NSD3: variants seen among roughly 807,000 people sequenced by gnomAD.
NSD3 encodes histone-lysine N-methyltransferase NSD3.
In NSD3, 24 loss-of-function variants were observed where a neutral mutation model predicts 160.8. The ratio of observed to expected loss-of-function variants is 0.15; its 90% CI spans 0.11 to 0.21. NSD3 has a LOEUF of 0.21. Among genes scored for constraint, NSD3 ranks in the 10% least tolerant of loss-of-function variants. The probability of loss-of-function intolerance (pLI) is 1.00; values close to 1 mark genes in which losing one functional copy is unlikely to be tolerated. For synonymous variants in NSD3, 520 were observed against 600.0 expected (o/e 0.87, Z 1.95); for missense variants, 1,157 against 1,735.9 (o/e 0.67, Z 5.93).
rs188569609 is a variant in NSD3, at chr8:38,346,450, G to C, written c.675+1047C>G. On this transcript the variant is annotated intron_variant, in intron 2 of 23. Transcript: ENST00000317025. Reference sequence around the variant, plus strand: ...TATGTATATGTGTGTGTATTTTCTGGCTCCCCTCACTAGAATATAAGCATC... The same window carrying C: ...TATGTATATGTGTGTGTATTTTCTGCCTCCCCTCACTAGAATATAAGCATC... 8.1e-5 allele frequency among the ~76,000 whole-genome samples: 12 copies of C among 148,896 alleles called. No homozygotes were observed. The Admixed American group carries it at 8.1e-4, about 10-fold the overall frequency.
chr8:38,342,769 C>T (rs1411335112), intron 2 of NSD3, among the ~76,000 whole-genome samples: 1 of 151,932 alleles, frequency 6.6e-6, no homozygotes, highest in South Asian at 2.1e-4. Context: ...CCATGTTGGC[C>T]AGGAGGTCTC....
At chr8:38,312,076 C>A (rs1056946914) in intron 12 of NSD3, among the ~76,000 whole-genome samples, 32 of 152,134 alleles carry the variant, frequency 2.1e-4, no homozygotes, top group African/African-American at 6.8e-4. Context: ...AGTCTTCACA[C>A]CCTTATCAAA....
chr8:38,280,948 G>C (rs1447651981), intron 20 of NSD3, among the ~76,000 whole-genome samples: 1 of 151,856 alleles, frequency 6.6e-6, no homozygotes, highest in Non-Finnish European at 1.5e-5. Context: ...TAGAGACAGG[G>C]TCTTCCTATG....
At chr8:38,311,037 G>T (rs1809523258) in intron 12 of NSD3, among the ~76,000 whole-genome samples, 2 of 148,266 alleles carry the variant, frequency 1.3e-5, no homozygotes, top group African/African-American at 2.5e-5. Flanking sequence ...GGTATCAAGT[G>T]GCATCTCATT....
chr8:38,310,414 T>C (rs1055944284), intron 12 of NSD3, among the ~76,000 whole-genome samples: 2 of 152,242 alleles, frequency 1.3e-5, no homozygotes, highest in Non-Finnish European at 1.5e-5. Flanking sequence ...ATTTTGTTTA[T>C]TCATCCATCA....
intron 3 of NSD3, 118 bp downstream of exon 3, chr8:38,338,418 C>T: frequency 1.3e-6 from 1 of 799,822 alleles, no homozygotes; most frequent in Non-Finnish European, 2.1e-6. Context: ...AGACTTATTT[C>T]AATATAATTT....
intron 1 of NSD3, among the ~76,000 whole-genome samples, chr8:38,377,232 T>C (rs144269447): frequency 0.045 from 6,467 of 145,110 alleles, 233 homozygotes; most frequent in Admixed American, 0.11. Context: ...TTTGTATTTT[T>C]AGTAGAGACG....
intron 16 of NSD3, among the ~76,000 whole-genome samples, chr8:38,291,446 T>G (rs185276232): frequency 6.6e-6 from 1 of 152,338 alleles, no homozygotes; most frequent in Non-Finnish European, 1.5e-5. Context: ...TTAAATTTTT[T>G]GAATCTCTTA....
At chr8:38,373,876 T>A (rs989660226) in intron 1 of NSD3, among the ~76,000 whole-genome samples, 1 of 147,970 alleles carries the variant, frequency 6.8e-6, no homozygotes, top group Admixed American at 6.8e-5. Flanking sequence ...GGTGGGAGGA[T>A]TGGTTGAGCC....
At position 38,342,575 on chromosome 8, in the gene NSD3, C is replaced by CT. The variant is rs1208709456; in HGVS notation, c.676-3969dup. Among the ~76,000 whole-genome samples, 1,271 of 146,176 alleles carry CT rather than the reference C, an allele frequency of 8.7e-3. 17 individuals are homozygous for CT. Among genetic ancestry groups the CT allele is most frequent in the African/African-American group, 0.03 (1,206 of 40,128 alleles). ...TTCCTTTACAAATTTTAGCCTAGTA[C>CT]TTTTTTTTTTTGAGACAGAGTCTTG... On this transcript the variant is annotated intron_variant, in intron 2 of 23. Coordinates refer to ENST00000317025, the MANE Select transcript of NSD3 (RefSeq NM_023034.2).
intron 1 of NSD3, 24 bp downstream of exon 1, chr8:38,381,773 CAT>C (rs1445650362): frequency 4.3e-4 from 63 of 145,484 alleles, no homozygotes; most frequent in African/African-American, 1.0e-3. Flanking sequence ...CACACACACA[CAT>C]ACACACACGC....
chr8:38,344,652 C>G lies in NSD3; in HGVS notation c.675+2845G>C, dbSNP rs539099603. On this transcript the variant is annotated intron_variant, in intron 2 of 23. Transcript: ENST00000317025. ...AACCTATGAGTGAGCTTTTAAGGAA[C>G]AACAACAACAAAGTAAAGTAAAAGA... Among the ~76,000 whole-genome samples the G allele has an allele frequency of 1.2e-3, 188 of 152,154 alleles. 2 individuals carry two copies. The highest frequency in any genetic ancestry group is 9.8e-4 in the Admixed American group (15 of 15,266).
At chr8:38,327,326 G>A (rs936796584) in intron 6 of NSD3, among the ~76,000 whole-genome samples, 1 of 151,952 alleles carries the variant, frequency 6.6e-6, no homozygotes, top group African/African-American at 2.4e-5. Flanking sequence ...AAAGTGCTGG[G>A]ATTACAGGCG....
Position 38,338,518 on chromosome 8 carries a change from T to C in NSD3, c.747+18A>G. The C allele has an allele frequency of 1.9e-6, 3 of 1,601,796 alleles. No individual in the cohort carries two copies. Among genetic ancestry groups the C allele is most frequent in the Middle Eastern group, 1.7e-4 (1 of 6,018 alleles). On this transcript the variant is annotated intron_variant, in intron 3 of 23. Coordinates refer to ENST00000317025, the MANE Select transcript of NSD3 (RefSeq NM_023034.2). ...TTCCACCATATTTGGTTAGACAGTATTCAGTAAAACAACTTACTGGGGCTT... is the reference window on the plus strand; with the variant it reads ...TTCCACCATATTTGGTTAGACAGTACTCAGTAAAACAACTTACTGGGGCTT...
intron 2 of NSD3, among the ~76,000 whole-genome samples, chr8:38,344,299 T>A (rs1212947809): frequency 2.0e-5 from 3 of 152,048 alleles, no homozygotes; most frequent in Admixed American, 2.0e-4. Context: ...TCAGACAGAG[T>A]CTCATTCTGT....
At chr8:38,279,489 A>G (rs1808684155) in intron 21 of NSD3, 51 bp downstream of exon 21, 2 of 1,603,544 alleles carry the variant, frequency 1.2e-6, no homozygotes, top group East Asian at 4.5e-5. Flanking sequence ...GCTCTATAGG[A>G]TATTCTTTCT....
At chr8:38,350,611 T>G (rs1810668008) in intron 1 of NSD3, among the ~76,000 whole-genome samples, 1 of 152,210 alleles carries the variant, frequency 6.6e-6, no homozygotes, top group African/African-American at 2.4e-5. Context: ...AGCAGAAGCA[T>G]CTGGAGTACT....
At chr8:38,362,743 A>G (rs1261622293) in intron 1 of NSD3, among the ~76,000 whole-genome samples, 1 of 152,210 alleles carries the variant, frequency 6.6e-6, no homozygotes, top group Non-Finnish European at 1.5e-5. Context: ...TTTCCTAAAC[A>G]GTGGGATATT....
intron 14 of NSD3, among the ~76,000 whole-genome samples, chr8:38,300,965 A>G (rs1809262394): frequency 6.6e-6 from 1 of 151,962 alleles, no homozygotes. Context: ...CAATATGACA[A>G]TCTTCTTTTT....
Sources: allele counts gnomAD v4.1 joint callset (sites outside exome capture counted in the v4.1 genomes callset), GRCh38; gene constraint gnomAD v4.1.1; transcripts MANE v1.5; gene names NCBI Gene and HGNC (gene_info 2026-07-23, HGNC 2026-07-21).